RBFOX1: variants seen among roughly 807,000 people sequenced by gnomAD.
The protein encoded by RBFOX1 is RNA binding protein fox-1 homolog 1.
RBFOX1 carries 8 observed loss-of-function variants against 57.7 expected under a neutral mutation model. The observed-to-expected ratio is 0.14, with a 90% CI of 0.08 to 0.25. The LOEUF (loss-of-function observed/expected upper bound fraction) is 0.25. RBFOX1 is among the 10% of genes least tolerant of loss of function. The pLI is 1.00. For missense variants in RBFOX1, 611 were observed against 548.5 expected (o/e 1.11, Z -1.14); for synonymous variants, 326 against 222.4 (o/e 1.47, Z -4.15).
intron 4 of RBFOX1, among the ~76,000 whole-genome samples, chr16:7,399,374 G>A (rs1324177527): frequency 1.3e-5 from 2 of 152,140 alleles, no homozygotes; most frequent in Admixed American, 6.5e-5. Context: ...TTTAACCTGG[G>A]AGGCAGAGGT....
chr16:6,305,075 A>T (rs1344516660), intron 1 of RBFOX1, among the ~76,000 whole-genome samples: 1 of 152,266 alleles, frequency 6.6e-6, no homozygotes, highest in African/African-American at 2.4e-5. Context: ...TCACAGCCCC[A>T]TGGCACGTCT....
chr16:7,598,983 A>G (rs2094863109), intron 9 of RBFOX1, among the ~76,000 whole-genome samples: 1 of 152,198 alleles, frequency 6.6e-6, no homozygotes, highest in Non-Finnish European at 1.5e-5. Context: ...CTTAATTTTA[A>G]AAGGGGCATC....
Position 6,614,169 on chromosome 16 carries a change from A to C in RBFOX1, c.-63-40434A>C, listed in dbSNP as rs77551327. 5.9e-3 allele frequency among the ~76,000 whole-genome samples: 897 copies of C among 152,308 alleles called. 10 individuals are homozygous for C. Among genetic ancestry groups the C allele is most frequent in the Non-Finnish European group, 8.5e-3 (576 of 68,028 alleles). On this transcript the variant is annotated intron_variant, in intron 2 of 15. Coordinates refer to ENST00000550418, the MANE Select transcript of RBFOX1 (RefSeq NM_018723.4). ...TGTAAGATAATATTTTCTACAGATC[A>C]TATCATTCAGATCTTGTTTCTTCTA... is the stretch of plus-strand genomic sequence containing the variant.
At chr16:5,319,137 AC>A (rs2064327158) in intron 1 of RBFOX1, among the ~76,000 whole-genome samples, 1 of 151,962 alleles carries the variant, frequency 6.6e-6, no homozygotes, top group African/African-American at 2.4e-5. Context: ...AAACAAACAA[AC>A]AAACAAACAA....
intron 2 of RBFOX1, among the ~76,000 whole-genome samples, chr16:6,579,557 T>C (rs558533442): frequency 5.3e-5 from 8 of 152,186 alleles, no homozygotes; most frequent in Non-Finnish European, 7.3e-5. Context: ...TTTCCTCCTT[T>C]GCTCTGCACT....
chr16:5,503,661 C>G lies in RBFOX1; in HGVS notation c.258+36407C>G, dbSNP rs58783751. ...GTTTCCCCATGTTGGTCAGGTTGGT[C>G]TTGAACTCCTGACCTGAGGTGATCC... On this transcript the variant is annotated intron_variant, in intron 2 of 2. Coordinates refer to the RBFOX1 transcript ENST00000585867. 5.5e-3 allele frequency among the ~76,000 whole-genome samples: 835 copies of G among 152,250 alleles called. 14 individuals are homozygous for G. Among genetic ancestry groups the G allele is most frequent in the African/African-American group, 0.019 (802 of 41,536 alleles).
At chr16:6,954,703 C>G (rs567131097) in intron 3 of RBFOX1, among the ~76,000 whole-genome samples, 1 of 151,964 alleles carries the variant, frequency 6.6e-6, no homozygotes, top group Non-Finnish European at 1.5e-5. Flanking sequence ...TGCAGGTGCC[C>G]AAGTCTAGCC....
At chr16:7,393,027 C>A (rs922571319) in intron 4 of RBFOX1, among the ~76,000 whole-genome samples, 7 of 152,134 alleles carry the variant, frequency 4.6e-5, no homozygotes, top group Non-Finnish European at 7.4e-5. Flanking sequence ...GCCCATGCCA[C>A]CACACCTGGC....
intron 4 of RBFOX1, among the ~76,000 whole-genome samples, chr16:5,875,443 G>T (rs185629659): frequency 6.6e-6 from 1 of 152,174 alleles, no homozygotes; most frequent in African/African-American, 2.4e-5. Context: ...TGTCTCGTTT[G>T]TCTGTTACAT....
chr16:5,356,842 G>T (rs74003886), intron 1 of RBFOX1, among the ~76,000 whole-genome samples: 1 of 152,108 alleles, frequency 6.6e-6, no homozygotes, highest in Non-Finnish European at 1.5e-5. Context: ...GTTTGTTGCC[G>T]ATAGTAATAC....
At chr16:6,240,957 C>G (rs925754623) in intron 1 of RBFOX1, among the ~76,000 whole-genome samples, 2 of 152,206 alleles carry the variant, frequency 1.3e-5, no homozygotes, top group Admixed American at 6.5e-5. Flanking sequence ...CCGACTCACC[C>G]TGATGTTTTT....
At chr16:6,860,627 C>A (rs1169733519) in intron 3 of RBFOX1, among the ~76,000 whole-genome samples, 3 of 152,096 alleles carry the variant, frequency 2.0e-5, no homozygotes, top group Non-Finnish European at 4.4e-5. Context: ...AGGAAGACAA[C>A]AATCAACCAG....
intron 3 of RBFOX1, among the ~76,000 whole-genome samples, chr16:6,955,257 A>T (rs959956964): frequency 1.3e-5 from 2 of 151,738 alleles, no homozygotes; most frequent in Non-Finnish European, 2.9e-5. Flanking sequence ...AAAAAAGAAA[A>T]AAAGAAATTT....
chr16:6,165,141 G>A (rs1459371552), intron 1 of RBFOX1, among the ~76,000 whole-genome samples: 1 of 151,870 alleles, frequency 6.6e-6, no homozygotes, highest in African/African-American at 2.4e-5. Context: ...CCTCAGCTTT[G>A]GCAGTTTTTA....
chr16:6,962,119 C>G (rs1445299916), intron 3 of RBFOX1, among the ~76,000 whole-genome samples: 1 of 152,168 alleles, frequency 6.6e-6, no homozygotes, highest in Non-Finnish European at 1.5e-5. Context: ...TATCCAGGAC[C>G]ATATTTCCTC....
chr16:6,199,479 C>G (rs1422464209), intron 1 of RBFOX1, among the ~76,000 whole-genome samples: 3 of 152,158 alleles, frequency 2.0e-5, no homozygotes, highest in African/African-American at 7.2e-5. Flanking sequence ...ATCTAAAGCA[C>G]ATTAATGGAT....
At chr16:6,552,988 C>T (rs1020562365) in intron 2 of RBFOX1, among the ~76,000 whole-genome samples, 7 of 152,098 alleles carry the variant, frequency 4.6e-5, no homozygotes, top group Admixed American at 2.6e-4. Context: ...GAAAAAGCAT[C>T]AGCTGCCCCC....
intron 3 of RBFOX1, among the ~76,000 whole-genome samples, chr16:6,657,490 A>G (rs2098667481): frequency 1.3e-5 from 2 of 151,996 alleles, no homozygotes; most frequent in East Asian, 2.0e-4. Flanking sequence ...CCACACAGGG[A>G]GCCATTGGCT....
At chr16:5,391,607 A>G (rs914080195) in intron 1 of RBFOX1, among the ~76,000 whole-genome samples, 3 of 152,206 alleles carry the variant, frequency 2.0e-5, no homozygotes, top group Middle Eastern at 3.4e-3. Context: ...CTATCTCCAG[A>G]GTTCGTTCCT....
Sources: gnomAD v4.1 joint callset for allele counts (sites outside exome capture counted in the v4.1 genomes callset) on GRCh38, gnomAD v4.1.1 for gene constraint, MANE v1.5 for transcripts, NCBI Gene and HGNC (gene_info 2026-07-23, HGNC 2026-07-21) for gene names.